The following PPP2R2B variants were observed in gnomAD, a reference collection of about 807,000 sequenced individuals.
The protein encoded by PPP2R2B is serine/threonine-protein phosphatase 2A 55 kDa regulatory subunit B beta isoform.
A neutral mutation model predicts 46.0 loss-of-function variants in PPP2R2B; 5 were observed. That is an observed-to-expected ratio of 0.11 (90% CI 0.06 to 0.23). The LOEUF (loss-of-function observed/expected upper bound fraction) is 0.23, where lower values mean the gene tolerates loss of function less well. Among genes scored for constraint, PPP2R2B ranks in the 10% least tolerant of loss-of-function variants. PPP2R2B has a pLI of 1.00. For synonymous variants in PPP2R2B, 215 were observed against 206.7 expected (o/e 1.04, Z -0.34); for missense variants, 367 against 575.0 (o/e 0.64, Z 3.70).
chr5:146,770,664 G>C (rs1180581409), intron 2 of PPP2R2B, among the ~76,000 whole-genome samples: 1 of 152,198 alleles, frequency 6.6e-6, no homozygotes, highest in Non-Finnish European at 1.5e-5. Context: ...ACAAGTCAGA[G>C]TTGAGGGAGC....
At chr5:146,954,097 G>C (rs1331125763) in intron 1 of PPP2R2B, among the ~76,000 whole-genome samples, 2 of 150,942 alleles carry the variant, frequency 1.3e-5, no homozygotes, top group East Asian at 2.0e-4. Context: ...CTGTAGAAGA[G>C]AGGATCACAT....
intron 2 of PPP2R2B, among the ~76,000 whole-genome samples, chr5:146,797,656 A>G (rs1429638567): frequency 1.3e-5 from 2 of 152,230 alleles, no homozygotes; most frequent in Non-Finnish European, 2.9e-5. Flanking sequence ...CATTATTGTC[A>G]TCAAATGGTA....
At chr5:146,900,732 C>A (rs1270982712) in intron 1 of PPP2R2B, among the ~76,000 whole-genome samples, 1 of 151,850 alleles carries the variant, frequency 6.6e-6, no homozygotes, top group South Asian at 2.1e-4. Context: ...CAACCCATTA[C>A]CTAGGTATTA....
At chr5:147,055,469 T>C (rs1173154038) in intron 1 of PPP2R2B, among the ~76,000 whole-genome samples, 1 of 152,252 alleles carries the variant, frequency 6.6e-6, no homozygotes, top group African/African-American at 2.4e-5. Context: ...TATTCTGTTC[T>C]TCAGAAAACA....
At chr5:147,080,330 A>G (rs1757936782) in intron 2 of PPP2R2B, among the ~76,000 whole-genome samples, 1 of 152,112 alleles carries the variant, frequency 6.6e-6, no homozygotes. Context: ...AAGCAGCAAA[A>G]TCTGTTTCAG....
intron 5 of PPP2R2B, among the ~76,000 whole-genome samples, chr5:146,655,693 G>A (rs950700768): frequency 3.3e-5 from 5 of 152,170 alleles, no homozygotes; most frequent in African/African-American, 1.2e-4. Context: ...ACCCTTAGTC[G>A]CTTAAGGCAC....
chr5:146,927,916 A>T (rs1334405985), intron 1 of PPP2R2B, among the ~76,000 whole-genome samples: 2 of 151,534 alleles, frequency 1.3e-5, no homozygotes, highest in East Asian at 3.9e-4. Context: ...TAATTTTTGT[A>T]TTTTTAGTAG....
intron 4 of PPP2R2B, among the ~76,000 whole-genome samples, chr5:146,697,102 G>A (rs999606951): frequency 2.0e-5 from 3 of 151,818 alleles, no homozygotes; most frequent in Non-Finnish European, 2.9e-5. Context: ...CTTGCTTCTC[G>A]ATTTAAATTA....
At position 146,692,527 on chromosome 5, in the gene PPP2R2B, ATT is replaced by A. The variant is rs34156552; in HGVS notation, c.335-1289_335-1288del. On this transcript the variant is annotated intron_variant, in intron 4 of 9. Transcript: ENST00000394411. ...GCCCTACATGCAGGCTTTTAATTCA[ATT>A]TTTTTTTTTTTTTTTTTTTTTTGAG... 8.0e-3 allele frequency among the ~76,000 whole-genome samples: 889 copies of A among 111,016 alleles called. 5 individuals carry two copies. Among genetic ancestry groups the A allele is most frequent in the African/African-American group, 0.022 (594 of 27,148 alleles). The allele number at this position is 111,016 out of a possible 152,430, so 72.8% of individuals were successfully genotyped here. A position where few individuals can be genotyped will look rare whatever the true frequency, so the allele number is the denominator to read the frequency against.
intron 2 of PPP2R2B, among the ~76,000 whole-genome samples, chr5:146,866,740 A>G (rs1761334839): frequency 2.0e-5 from 3 of 152,204 alleles, no homozygotes; most frequent in Admixed American, 1.3e-4. Flanking sequence ...GAGTACATCC[A>G]GAATACTTAA....
intron 1 of PPP2R2B, among the ~76,000 whole-genome samples, chr5:147,008,149 G>T (rs1362370384): frequency 6.6e-6 from 1 of 152,158 alleles, no homozygotes; most frequent in African/African-American, 2.4e-5. Flanking sequence ...GTATAAAGAG[G>T]AAGCAGAGAA....
intron 1 of PPP2R2B, among the ~76,000 whole-genome samples, chr5:146,975,738 A>C (rs952696034): frequency 2.0e-5 from 3 of 152,144 alleles, no homozygotes; most frequent in Non-Finnish European, 4.4e-5. Flanking sequence ...ATCATTAGTG[A>C]TGTTGAACCT....
chr5:146,649,022 G>A (rs1775763776), intron 6 of PPP2R2B, among the ~76,000 whole-genome samples: 1 of 152,208 alleles, frequency 6.6e-6, no homozygotes, highest in Non-Finnish European at 1.5e-5. Context: ...TGAATTACAT[G>A]TTGAAGGGTT....
chr5:146,607,979 T>C (rs971979142), intron 7 of PPP2R2B, among the ~76,000 whole-genome samples: 4 of 152,238 alleles, frequency 2.6e-5, no homozygotes, highest in Non-Finnish European at 5.9e-5. Context: ...TTTTGTATAA[T>C]TTTTATGTGT....
chr5:146,768,463 C>G (rs1319310194), intron 2 of PPP2R2B, among the ~76,000 whole-genome samples: 2 of 152,182 alleles, frequency 1.3e-5, no homozygotes, highest in Non-Finnish European at 2.9e-5. Context: ...ACTATCTCCA[C>G]TGTCACTCCC....
At chr5:146,655,982 T>C (rs1023521702) in intron 5 of PPP2R2B, among the ~76,000 whole-genome samples, 7 of 152,090 alleles carry the variant, frequency 4.6e-5, no homozygotes, top group Non-Finnish European at 7.4e-5. Flanking sequence ...GACAGCAAAG[T>C]ATACACATAA....
chr5:147,009,860 C>CAT (rs1754627602), intron 1 of PPP2R2B, among the ~76,000 whole-genome samples: 1 of 136,642 alleles, frequency 7.3e-6, no homozygotes, highest in African/African-American at 3.1e-5. Context: ...TATACACACA[C>CAT]ACATACACAC....
chr5:146,878,491 A>T lies in PPP2R2B; in HGVS notation c.-125+100T>A, dbSNP rs1016158303. 3.0e-6 allele frequency: 4 copies of T among 1,335,128 alleles called. No individual in the cohort carries two copies. The African/African-American group carries it at 5.9e-5, about 20-fold the overall frequency. 82.7% of individuals were successfully genotyped at this position (1,335,128 alleles called of 1,614,324 possible). On this transcript the variant is annotated intron_variant, in intron 1 of 9. Coordinates refer to ENST00000394411, the MANE Select transcript of PPP2R2B (RefSeq NM_181675.4). This position sits in a 1 kb window ranked among gnomAD's most constrained non-coding sequence, Gnocchi z 4.5. ...GCAGCCGCTCCAAAATGCAAAAAAG[A>T]TCCCTCCTCCCCCTGGGAGAGCGGG...
At chr5:146,715,830 A>G (rs1780467610) in intron 2 of PPP2R2B, among the ~76,000 whole-genome samples, 1 of 151,906 alleles carries the variant, frequency 6.6e-6, no homozygotes, top group African/African-American at 2.4e-5. Context: ...TTTTCTATAT[A>G]AATTCTTTTT....
Sources: gnomAD v4.1 joint callset for allele counts (sites outside exome capture counted in the v4.1 genomes callset) on GRCh38, gnomAD v4.1.1 for gene constraint, Gnocchi (gnomAD v3.1) non-coding constraint, MANE v1.5 for transcripts, NCBI Gene and HGNC (gene_info 2026-07-23, HGNC 2026-07-21) for gene names.